Variants in TFG observed in about 807,000 individuals in gnomAD.
TFG encodes the protein protein TFG.
TFG carries 22 observed loss-of-function variants against 51.4 expected under a neutral mutation model. The ratio of observed to expected loss-of-function variants is 0.43; its 90% CI spans 0.31 to 0.61. The LOEUF is 0.61. Among genes scored for constraint, TFG ranks in the 20% least tolerant of loss-of-function variants. The probability of loss-of-function intolerance (pLI) is 0.12; values close to 1 mark genes in which losing one functional copy is unlikely to be tolerated. For missense variants in TFG, 419 were observed against 487.7 expected, an observed-to-expected ratio of 0.86 and a Z score of 1.33; for synonymous variants, 187 against 165.6, an observed-to-expected ratio of 1.13 and a Z score of -0.99.
At chr3:100,714,555 A>C (rs967176071) in intron 2 of TFG, among the ~76,000 whole-genome samples, 5 of 137,142 alleles carry the variant, frequency 3.6e-5, no homozygotes. Flanking sequence ...GTGTTAGAAC[A>C]TTTTCACATA....
chr3:100,730,535 ATAGT>A (rs1412071859), intron 4 of TFG, among the ~76,000 whole-genome samples: 17 of 152,312 alleles, frequency 1.1e-4, no homozygotes, highest in South Asian at 1.0e-3. Flanking sequence ...ATTTTTAGAG[ATAGT>A]TCTTATTTTT....
At chr3:100,718,288 C>T (rs13326828) in intron 2 of TFG, among the ~76,000 whole-genome samples, 4,537 of 152,292 alleles carry the variant, frequency 0.03, 184 homozygotes, top group African/African-American at 0.092. Flanking sequence ...ACCTCATTGA[C>T]TGGCTTTCTC....
chr3:100,737,641 A>G (rs1267955444), intron 6 of TFG, among the ~76,000 whole-genome samples: 2 of 152,222 alleles, frequency 1.3e-5, no homozygotes, highest in Admixed American at 6.5e-5. Context: ...ATGTATTTCC[A>G]GCCCCAGAAG....
At position 100,728,727 on chromosome 3, in the gene TFG, G is replaced by A. The variant is rs1329508587; in HGVS notation, c.284G>A (p.Arg95Lys). The A allele has an allele frequency of 6.9e-6, 11 of 1,605,542 alleles. No individual in the cohort carries two copies. Among genetic ancestry groups the A allele is most frequent in the Admixed American group, 1.7e-5 (1 of 58,716 alleles). ...KLTLFVNGQPRPLESSQVKYL... is the reference protein window; with the variant it reads ...KLTLFVNGQPKPLESSQVKYL... ...TTTATTTCAGTTAATGGCCAGCCAA[G>A]ACCCCTTGAATCAAGTCAGGTGAAA... The change falls in exon 4 of 8, where the codon AGA (arginine) becomes AAA (lysine). Residue 95 changes from arginine to lysine, a missense_variant. Around this residue, in one of 3 missense-constraint regions of TFG, gnomAD observed 391 missense variants for 434.4 expected, o/e 0.90. Coordinates refer to ENST00000240851, the MANE Select transcript of TFG (RefSeq NM_006070.6).
rs757985623 is a variant in TFG, at chr3:100,748,859, C to CT, written c.*333dup. 2.5e-5 allele frequency: 7 copies of CT among 277,562 alleles called. 1 individual carries two copies. The highest frequency in any genetic ancestry group is 3.4e-5 in the Non-Finnish European group (5 of 146,014). 17.2% of individuals were successfully genotyped at this position (277,562 alleles called of 1,614,324 possible). ...GGTGAGGTTTAGCCATCTTACTTGG[C>CT]TTTTTACTATTAACATGATGTACTA... On this transcript the variant is annotated 3_prime_UTR_variant, in exon 8 of 8. Transcript: ENST00000240851.
At chr3:100,730,402 T>A (rs1472638426) in intron 4 of TFG, among the ~76,000 whole-genome samples, 1 of 152,240 alleles carries the variant, frequency 6.6e-6, no homozygotes, top group Admixed American at 6.5e-5. Flanking sequence ...AAAATTGGTT[T>A]CTTCTCTGCA....
At chr3:100,734,071 T>G (rs1031191965) in intron 5 of TFG, among the ~76,000 whole-genome samples, 1 of 152,168 alleles carries the variant, frequency 6.6e-6, no homozygotes, top group African/African-American at 2.4e-5. Context: ...TTTTGCTTTT[T>G]TTTTTGCAAA....
chr3:100,727,512 T>C (rs572128937), intron 3 of TFG, among the ~76,000 whole-genome samples: 1 of 152,356 alleles, frequency 6.6e-6, no homozygotes, highest in South Asian at 2.1e-4. Context: ...ATACTGGCAA[T>C]GTGCAAAGCA....
rs1190374238 is a variant in TFG, at chr3:100,748,738, C to T, written c.*207C>T. The T allele has an allele frequency of 1.8e-6, 1 of 563,810 alleles. No individual in the cohort carries two copies. Among genetic ancestry groups the T allele is most frequent in the Non-Finnish European group, 3.0e-6 (1 of 330,560 alleles). 34.9% of individuals were successfully genotyped at this position (563,810 alleles called of 1,614,324 possible). A position where few individuals can be genotyped will look rare whatever the true frequency, so the allele number is the denominator to read the frequency against. ...TTTTCCTCCCTGCTTAAAAATGTAG[C>T]AGCTTCTTAGTTACTTTGGAACACT... On this transcript the variant is annotated 3_prime_UTR_variant, in exon 8 of 8. Coordinates refer to ENST00000240851, the MANE Select transcript of TFG (RefSeq NM_006070.6).
intron 7 of TFG, among the ~76,000 whole-genome samples, chr3:100,745,345 A>G (rs895513712): frequency 2.0e-5 from 3 of 152,166 alleles, no homozygotes; most frequent in Non-Finnish European, 4.4e-5. Context: ...TGGAAAGGTG[A>G]TGTTATTTAA....
chr3:100,739,910 G>A, intron 6 of TFG, among the ~76,000 whole-genome samples: 1 of 152,208 alleles, frequency 6.6e-6, no homozygotes, highest in South Asian at 2.1e-4. Context: ...CCAGGTTGGA[G>A]TGTACTGGCT....
chr3:100,728,548 T>G (rs1420471170), intron 3 of TFG, among the ~76,000 whole-genome samples, 164 bp from the exon 4 acceptor site: 2 of 152,004 alleles, frequency 1.3e-5, no homozygotes, highest in Non-Finnish European at 2.9e-5. Context: ...AATAAGTTAT[T>G]AGCCATAGAG....
In TFG at chr3:100,720,007, G is replaced by T; in HGVS notation, c.217G>T (p.Asp73Tyr). 6.4e-7 allele frequency: 1 copy of T among 1,573,790 alleles called. No individual in the cohort carries two copies. Among genetic ancestry groups the T allele is most frequent in the Non-Finnish European group, 8.6e-7 (1 of 1,162,686 alleles). ...TCTTATAACAATTTTTGATAGTTCTGACCTTTCCTTTGCAATTCAGTGCAG... is the reference window on the plus strand; with the variant it reads ...TCTTATAACAATTTTTGATAGTTCTTACCTTTCCTTTGCAATTCAGTGCAG... ...GDLITIFDSS[D>Y]LSFAIQCSRI... Residue 73 changes from aspartate (D) to tyrosine (Y), a missense_variant, in exon 3 of 8, where the codon GAC (aspartate) becomes TAC (tyrosine). Asp to Tyr is a radical substitution (Grantham distance 160). Around this residue, in one of 3 missense-constraint regions of TFG, gnomAD observed 391 missense variants for 434.4 expected, o/e 0.90. Coordinates refer to ENST00000240851, the MANE Select transcript of TFG (RefSeq NM_006070.6).
intron 7 of TFG, among the ~76,000 whole-genome samples, chr3:100,746,659 A>G (rs2095135751): frequency 1.3e-5 from 2 of 152,128 alleles, no homozygotes; most frequent in Non-Finnish European, 1.5e-5. Context: ...CATTATGTTC[A>G]AGAGACTGGT....
intron 6 of TFG, among the ~76,000 whole-genome samples, chr3:100,740,571 CAT>C (rs2095118558): frequency 6.6e-6 from 1 of 152,168 alleles, no homozygotes; most frequent in African/African-American, 2.4e-5. Context: ...AGCAGATACT[CAT>C]GTGCTTGTTG....
intron 2 of TFG, 91 bp from the exon 3 acceptor site, chr3:100,719,884 T>G: frequency 1.4e-6 from 1 of 722,304 alleles, no homozygotes; most frequent in Non-Finnish European, 2.3e-6. Flanking sequence ...CAATCTACAT[T>G]TTGGATTTTT....
At chr3:100,720,449 C>A (rs1260832321) in intron 3 of TFG, among the ~76,000 whole-genome samples, 1 of 152,220 alleles carries the variant, frequency 6.6e-6, no homozygotes, top group Non-Finnish European at 1.5e-5. Context: ...CCAGTAGTCG[C>A]CAACCTTTTT....
At chr3:100,729,465 A>T (rs2095085378) in intron 4 of TFG, among the ~76,000 whole-genome samples, 1 of 152,216 alleles carries the variant, frequency 6.6e-6, no homozygotes, top group Admixed American at 6.5e-5. Flanking sequence ...TAATTTTGGG[A>T]CCGAATGTAT....
intron 7 of TFG, among the ~76,000 whole-genome samples, chr3:100,745,455 C>G (rs916664649): frequency 6.6e-6 from 1 of 152,120 alleles, no homozygotes; most frequent in Non-Finnish European, 1.5e-5. Flanking sequence ...AAATGTAATT[C>G]AGGCAACTAA....
Sources: allele counts gnomAD v4.1 joint callset (sites outside exome capture counted in the v4.1 genomes callset), GRCh38; gene constraint gnomAD v4.1.1; regional missense constraint gnomAD v4.1.1; transcripts MANE v1.5; gene names NCBI Gene and HGNC (gene_info 2026-07-23, HGNC 2026-07-21).